UBE2R2: variants seen among roughly 807,000 people sequenced by gnomAD.
The protein encoded by UBE2R2 is ubiquitin-conjugating enzyme E2 R2.
UBE2R2 carries 1 observed loss-of-function variant against 27.8 expected under a neutral mutation model. The ratio of observed to expected loss-of-function variants is 0.04; its 90% CI spans 0.01 to 0.17. The LOEUF is 0.17. UBE2R2 is among the 10% of genes least tolerant of loss of function. The pLI, the probability that UBE2R2 is intolerant of heterozygous loss-of-function variation, is 1.00. For missense variants in UBE2R2, 100 were observed against 291.0 expected (o/e 0.34, Z 4.78); for synonymous variants, 106 against 113.3 (o/e 0.94, Z 0.41).
chr9:33,893,646 A>C (rs139472968), intron 2 of UBE2R2, among the ~76,000 whole-genome samples: 1 of 152,032 alleles, frequency 6.6e-6, no homozygotes, highest in Non-Finnish European at 1.5e-5. Context: ...TTATTTATTT[A>C]TTTTTTGAGA....
intron 1 of UBE2R2, among the ~76,000 whole-genome samples, chr9:33,820,800 T>C (rs1204024672): frequency 6.6e-6 from 1 of 152,232 alleles, no homozygotes; most frequent in African/African-American, 2.4e-5. Flanking sequence ...TATTAATAGG[T>C]TTCTAACTGA....
intron 1 of UBE2R2, among the ~76,000 whole-genome samples, chr9:33,873,744 G>A (rs780175964): frequency 6.6e-6 from 1 of 151,940 alleles, no homozygotes; most frequent in African/African-American, 2.4e-5. Context: ...AGGCTCAAGC[G>A]GATACTGCCA....
chr9:33,886,315 T>C (rs2130795647), intron 1 of UBE2R2, among the ~76,000 whole-genome samples: 1 of 151,752 alleles, frequency 6.6e-6, no homozygotes, highest in African/African-American at 2.4e-5. Context: ...ATTATATTTA[T>C]GTATGTTTGT....
At chr9:33,847,381 C>A (rs1015660770) in intron 1 of UBE2R2, among the ~76,000 whole-genome samples, 2 of 152,162 alleles carry the variant, frequency 1.3e-5, no homozygotes, top group Admixed American at 6.6e-5. Flanking sequence ...AGGCGTGTGC[C>A]ACTGCGCCCG....
In UBE2R2 at chr9:33,912,043, T is replaced by C. The variant is rs1447755159; in HGVS notation, c.442T>C (p.Phe148Leu). ...AGCCAATGTCGATGCTTCAGTTATG[T>C]TCAGGAAATGGAGAGACAGTAAAGG... ...SPANVDASVM[F>L]RKWRDSKGKD... The change falls in exon 4 of 5, where the codon TTC becomes CTC. Residue 148 changes from phenylalanine (F) to leucine (L), a missense_variant. Phe to Leu is a conservative substitution (Grantham distance 22). Transcript: ENST00000263228. 6.2e-7 allele frequency: 1 copy of C among 1,613,814 alleles called. No individual in the cohort carries two copies. The highest frequency in any genetic ancestry group is 1.7e-5 in the Admixed American group (1 of 60,012).
chr9:33,913,951 T>A (rs997602697), intron 4 of UBE2R2, among the ~76,000 whole-genome samples: 1 of 152,204 alleles, frequency 6.6e-6, no homozygotes, highest in African/African-American at 2.4e-5. Context: ...TACAGAAATT[T>A]AGAGGAGTGG....
intron 1 of UBE2R2, among the ~76,000 whole-genome samples, chr9:33,829,792 C>CTTTTTTTTT (rs1563981311): frequency 8.4e-6 from 1 of 119,334 alleles, no homozygotes; most frequent in Non-Finnish European, 1.7e-5. Context: ...TTAGTGCAAT[C>CTTTTTTTTT]GTTTTTTTTT....
chr9:33,842,845 T>A (rs923836280), intron 1 of UBE2R2, among the ~76,000 whole-genome samples: 1 of 152,084 alleles, frequency 6.6e-6, no homozygotes, highest in Non-Finnish European at 1.5e-5. Context: ...GCTGAAGGTC[T>A]GAAAAACACT....
At chr9:33,899,534 C>T (rs1822198694) in intron 2 of UBE2R2, among the ~76,000 whole-genome samples, 1 of 152,116 alleles carries the variant, frequency 6.6e-6, no homozygotes, top group Non-Finnish European at 1.5e-5. Flanking sequence ...GCTACCACGC[C>T]CGGCTAATTT....
intron 3 of UBE2R2, among the ~76,000 whole-genome samples, chr9:33,905,223 A>C (rs1822327130): frequency 6.6e-6 from 1 of 152,190 alleles, no homozygotes. Context: ...TTATTAACCC[A>C]ATCAAGAGAG....
intron 3 of UBE2R2, among the ~76,000 whole-genome samples, chr9:33,903,372 T>C (rs898756114): frequency 1.5e-4 from 23 of 152,180 alleles, no homozygotes; most frequent in African/African-American, 5.3e-4. Flanking sequence ...ATACTGGTGA[T>C]TCTTGGTTTT....
At chr9:33,886,559 G>A (rs1158797728) in intron 1 of UBE2R2, among the ~76,000 whole-genome samples, 1 of 151,508 alleles carries the variant, frequency 6.6e-6, no homozygotes, top group Non-Finnish European at 1.5e-5. Flanking sequence ...GGAGGCTGAG[G>A]CAGGAGAATC....
intron 1 of UBE2R2, among the ~76,000 whole-genome samples, chr9:33,839,171 A>C (rs1440693249): frequency 6.6e-6 from 1 of 151,802 alleles, no homozygotes; most frequent in Non-Finnish European, 1.5e-5. Flanking sequence ...TAGTATAAGG[A>C]GGTCTGGCTT....
intron 1 of UBE2R2, among the ~76,000 whole-genome samples, chr9:33,850,627 C>T (rs552676887): frequency 1.4e-4 from 21 of 152,284 alleles, no homozygotes; most frequent in South Asian, 1.0e-3. Context: ...CCCTACAAAT[C>T]CTGCCAATCG....
intron 1 of UBE2R2, among the ~76,000 whole-genome samples, chr9:33,870,914 T>TTACA (rs1821472822): frequency 6.6e-6 from 1 of 152,220 alleles, no homozygotes; most frequent in South Asian, 2.1e-4. Flanking sequence ...ATTAAATCAA[T>TTACA]TACAGAGTCT....
At chr9:33,875,422 G>A (rs1168369403) in intron 1 of UBE2R2, among the ~76,000 whole-genome samples, 1 of 152,110 alleles carries the variant, frequency 6.6e-6, no homozygotes, top group Admixed American at 6.6e-5. Context: ...CAATGATAAT[G>A]ATTTAACCTT....
rs1312934173 is a variant in UBE2R2 at position 33,918,925 on chromosome 9, G to C, written c.*1688G>C. Reference sequence around the variant, plus strand: ...TCACTCTTCAAACTCCCAAACACATGACTTCTTCCCAGCAGCCCTTCCCGG... The same window carrying C: ...TCACTCTTCAAACTCCCAAACACATCACTTCTTCCCAGCAGCCCTTCCCGG... On this transcript the variant is annotated 3_prime_UTR_variant, in exon 5 of 5. Coordinates refer to ENST00000263228, the MANE Select transcript of UBE2R2 (RefSeq NM_017811.4). 1 of 152,294 alleles carries C rather than the reference G, an allele frequency of 6.6e-6. No homozygotes were observed. 9.4% of individuals were successfully genotyped at this position (152,294 alleles called of 1,614,324 possible).
At chr9:33,841,793 A>G (rs1019680405) in intron 1 of UBE2R2, among the ~76,000 whole-genome samples, 5 of 152,142 alleles carry the variant, frequency 3.3e-5, no homozygotes, top group Non-Finnish European at 5.9e-5. Flanking sequence ...CTCATTATTA[A>G]TTACTCGCTT....
At chr9:33,908,331 A>C (rs1243062823) in intron 3 of UBE2R2, among the ~76,000 whole-genome samples, 4 of 152,148 alleles carry the variant, frequency 2.6e-5, no homozygotes, top group African/African-American at 7.2e-5. Flanking sequence ...ATATCCTCAA[A>C]TGCATCGCCA....
Sources: allele counts gnomAD v4.1 joint callset (sites outside exome capture counted in the v4.1 genomes callset), GRCh38; gene constraint gnomAD v4.1.1; transcripts MANE v1.5; gene names NCBI Gene and HGNC (gene_info 2026-07-23, HGNC 2026-07-21).